The following LHFPL1 variants were observed in gnomAD, a reference collection of about 807,000 sequenced individuals.
LHFPL1 encodes the protein LHFPL tetraspan subfamily member 1.
Under a neutral mutation model 12.1 loss-of-function variants are expected in LHFPL1, and 4 were observed. The ratio of observed to expected loss-of-function variants is 0.33; its 90% confidence interval spans 0.16 to 0.76. The LOEUF is 0.76. Ranked by LOEUF, LHFPL1 falls within the 30% of genes least tolerant of loss-of-function variation. LHFPL1 has a pLI of 0.61. For missense variants in LHFPL1, 141 were observed against 174.1 expected, an observed-to-expected ratio of 0.81 and a Z score of 1.07; for synonymous variants, 52 against 61.9, an observed-to-expected ratio of 0.84 and a Z score of 0.75.
chrX:112,632,343 G>A (rs939299901), intron 3 of LHFPL1, among the ~76,000 whole-genome samples: 8 of 111,675 alleles, frequency 7.2e-5, no homozygotes, highest in African/African-American at 2.3e-4. Flanking sequence ...CATCCACCCC[G>A]CCACCTGCTA....
chrX:112,656,156 T>C (rs774280797), intron 3 of LHFPL1, among the ~76,000 whole-genome samples: 9 of 111,671 alleles, frequency 8.1e-5, no homozygotes, highest in Middle Eastern at 4.6e-3. Context: ...TAGAATGAAT[T>C]ATACACCATG....
chrX:112,645,245 C>T lies in LHFPL1; in HGVS notation c.482-13644G>A, dbSNP rs974089632. Among the ~76,000 whole-genome samples the T allele has an allele frequency of 3.6e-5, 4 of 112,470 alleles. No homozygotes were observed. The Admixed American group carries it at 3.8e-4, about 11-fold the overall frequency. On this transcript the variant is annotated intron_variant, in intron 3 of 3. Transcript: ENST00000371968. ...GGAGAGAAATACTATTACCAATCCT[C>T]ATTAATGGAGGCTTGCACAACTTGT... is the stretch of plus-strand genomic sequence containing the variant.
chrX:112,664,167 A>T (rs759318248), intron 2 of LHFPL1, among the ~76,000 whole-genome samples: 5 of 112,582 alleles, frequency 4.4e-5, no homozygotes, highest in African/African-American at 1.3e-4. Flanking sequence ...TTGGATTTTT[A>T]AAAATATTTT....
chrX:112,678,173 G>A (rs1022831097), intron 1 of LHFPL1, among the ~76,000 whole-genome samples: 1 of 111,244 alleles, frequency 9.0e-6, no homozygotes, highest in African/African-American at 3.3e-5. Context: ...TCCACATCAG[G>A]CCCTGGGCTA....
At chrX:112,673,715 TAC>T (rs1312926122) in intron 1 of LHFPL1, among the ~76,000 whole-genome samples, 1 of 111,761 alleles carries the variant, frequency 8.9e-6, no homozygotes, top group African/African-American at 3.3e-5. Flanking sequence ...TACCCAAGGG[TAC>T]ACAGTGATTC....
Position 112,631,449 on chromosome X carries a change from T to G in LHFPL1, c.634A>C (p.Met212Leu). The change falls in exon 4 of 4, where the codon ATG (methionine) becomes CTG (leucine). Residue 212 changes from methionine to leucine, a missense_variant. By Grantham distance (15) the Met-to-Leu change is conservative. Transcript: ENST00000371968. ...GGTTTGAGGCAATGGTCAAGCTCCA[T>G]AGCATAAGAATTGGTATTCCTCATG... is the stretch of plus-strand genomic sequence containing the variant. ...SIMRNTNSYA[M>L]ELDHCLKP The G allele has an allele frequency of 8.3e-7, 1 of 1,209,811 alleles. No homozygotes were observed. The highest frequency in any genetic ancestry group is 1.8e-5 in the South Asian group (1 of 56,647).
In LHFPL1 at chrX:112,678,057, T is replaced by G. The variant is rs190185675; in HGVS notation, c.-15+1772A>C. Among the ~76,000 whole-genome samples the G allele has an allele frequency of 4.5e-5, 5 of 110,652 alleles. No individual in the cohort carries two copies. In the East Asian group the frequency reaches 1.4e-3, roughly 32 times the overall value. ...CATTAAAAGGCAGGAAGCCAGAGAC[T>G]AAGTGGAGAGAAAGGACTAACTGAG... On this transcript the variant is annotated intron_variant, in intron 1 of 3. Coordinates refer to ENST00000371968, the MANE Select transcript of LHFPL1 (RefSeq NM_178175.4).
intron 2 of LHFPL1, among the ~76,000 whole-genome samples, chrX:112,665,198 T>C (rs1429933968): frequency 1.0e-4 from 11 of 106,790 alleles, no homozygotes; most frequent in Non-Finnish European, 2.1e-4. Flanking sequence ...TTTTTTTTTT[T>C]CCTTTTTTTT....
intron 3 of LHFPL1, among the ~76,000 whole-genome samples, chrX:112,635,904 G>T (rs1371558058): frequency 9.0e-6 from 1 of 111,589 alleles, no homozygotes; most frequent in Non-Finnish European, 1.9e-5. Flanking sequence ...TCTACACCAG[G>T]AGAGGCCATG....
intron 3 of LHFPL1, among the ~76,000 whole-genome samples, chrX:112,656,855 T>C (rs12353862): frequency 0.016 from 1,780 of 112,353 alleles, 29 homozygotes; most frequent in African/African-American, 0.055. Context: ...AGAACACTTA[T>C]AATGTTACAG....
At chrX:112,679,162 C>A (rs1379580732) in intron 1 of LHFPL1, among the ~76,000 whole-genome samples, 2 of 111,037 alleles carry the variant, frequency 1.8e-5, no homozygotes, top group Non-Finnish European at 3.8e-5. Context: ...TTTTCCTCAC[C>A]CCTAGGCTTC....
chrX:112,662,216 A>G (rs1931211388), intron 2 of LHFPL1, among the ~76,000 whole-genome samples: 2 of 112,527 alleles, frequency 1.8e-5, no homozygotes, highest in African/African-American at 6.5e-5. Context: ...ATGAATGTGG[A>G]CACAGAAAGT....
At chrX:112,645,640 G>A (rs1403105394) in intron 3 of LHFPL1, among the ~76,000 whole-genome samples, 1 of 111,487 alleles carries the variant, frequency 9.0e-6, no homozygotes, top group Non-Finnish European at 1.9e-5. Context: ...GGCAATCTAT[G>A]CCCAACCCTC....
intron 3 of LHFPL1, among the ~76,000 whole-genome samples, chrX:112,637,313 A>C (rs191748431): frequency 8.9e-6 from 1 of 112,150 alleles, no homozygotes; most frequent in Non-Finnish European, 1.9e-5. Context: ...TTAGAGATAA[A>C]TTGTCACTGG....
At chrX:112,658,510 A>G (rs1470726510) in intron 3 of LHFPL1, among the ~76,000 whole-genome samples, 1 of 111,678 alleles carries the variant, frequency 9.0e-6, no homozygotes, top group Non-Finnish European at 1.9e-5. Flanking sequence ...AGATGTAAAA[A>G]CAGCCAATAA....
Position 112,671,373 on chromosome X carries a change from G to C in LHFPL1, c.18C>G (p.Thr6=). 2 of 1,211,831 alleles carry C rather than the reference G, an allele frequency of 1.7e-6. No homozygotes were observed. Among genetic ancestry groups the C allele is most frequent in the Non-Finnish European group, 2.2e-6 (2 of 895,490 alleles). Residue 6 remains threonine, a synonymous_variant, in exon 2 of 4, where the codon ACC becomes ACG. Coordinates refer to ENST00000371968, the MANE Select transcript of LHFPL1 (RefSeq NM_178175.4). MRSSL[T]MVGTLWAFLS... is the part of the protein sequence containing the mutation. Reference sequence around the variant, plus strand: ...GGAAGGCCCAGAGGGTTCCCACCATGGTCAGGCTGCTCCTCATGGTCACAG... The same window carrying C: ...GGAAGGCCCAGAGGGTTCCCACCATCGTCAGGCTGCTCCTCATGGTCACAG...
In LHFPL1 at chrX:112,671,027, C is replaced by T; in HGVS notation, c.364G>A (p.Ala122Thr). The part of the protein sequence containing the change: ...ISRMMGRCMG[A>T]AQFVGGLLIS... ...GTCTTACCTCCAACAAACTGCGCTGCTCCCATGCAACGTCCCATCATTCTG... is the reference window on the plus strand; with the variant it reads ...GTCTTACCTCCAACAAACTGCGCTGTTCCCATGCAACGTCCCATCATTCTG... Residue 122 changes from alanine to threonine, a missense_variant, in exon 2 of 4, where the codon GCA becomes ACA. Transcript: ENST00000371968. 8.3e-7 allele frequency: 1 copy of T among 1,210,549 alleles called. No individual in the cohort carries two copies. Among genetic ancestry groups the T allele is most frequent in the Non-Finnish European group, 1.1e-6 (1 of 894,606 alleles).
At chrX:112,642,072 T>C (rs17223008) in intron 3 of LHFPL1, among the ~76,000 whole-genome samples, 8,851 of 110,183 alleles carry the variant, frequency 0.08, 296 homozygotes, top group Middle Eastern at 0.13. Flanking sequence ...TATATTTTCA[T>C]CCCTGTAACT....
rs61344100 is a variant in LHFPL1, at chrX:112,664,187, G to A, written c.383-3462C>T. Among the ~76,000 whole-genome samples, 658 of 112,249 alleles carry A rather than the reference G, an allele frequency of 5.9e-3. 5 individuals carry two copies. The highest frequency in any genetic ancestry group is 0.02 in the African/African-American group (627 of 30,925). On this transcript the variant is annotated intron_variant, in intron 2 of 3. Coordinates refer to ENST00000371968, the MANE Select transcript of LHFPL1 (RefSeq NM_178175.4). ...TTTTTAAAAATATTTTTGAGTTATG[G>A]TTGGTTGAATCTGTGGACACAGAAC...
Sources: allele counts gnomAD v4.1 joint callset (sites outside exome capture counted in the v4.1 genomes callset), GRCh38; gene constraint gnomAD v4.1.1; transcripts MANE v1.5; gene names NCBI Gene and HGNC (gene_info 2026-07-23, HGNC 2026-07-21).